The following NLGN1 variants were observed in gnomAD, a reference collection of about 807,000 sequenced individuals.
NLGN1 encodes neuroligin-1.
Under a neutral mutation model 65.5 loss-of-function variants are expected in NLGN1, and 12 were observed. The observed-to-expected ratio is 0.18, with a 90% CI of 0.12 to 0.30. The LOEUF (loss-of-function observed/expected upper bound fraction) is 0.30, where lower values mean the gene tolerates loss of function less well. Among genes scored for constraint, NLGN1 ranks in the 10% least tolerant of loss-of-function variants. NLGN1 has a pLI of 1.00. For missense variants in NLGN1, 750 were observed against 1,007.1 expected (o/e 0.74, Z 3.46); for synonymous variants, 350 against 359.5 (o/e 0.97, Z 0.30).
At chr3:173,575,862 C>G (rs1365219351) in intron 2 of NLGN1, among the ~76,000 whole-genome samples, 4 of 152,020 alleles carry the variant, frequency 2.6e-5, no homozygotes, top group Non-Finnish European at 2.9e-5. Context: ...TTTGTAGAAG[C>G]CTTTGTGATC....
chr3:173,600,200 T>TCACACAC (rs1187383560), intron 2 of NLGN1, among the ~76,000 whole-genome samples: 54,621 of 144,726 alleles, frequency 0.38, 10,248 homozygotes, highest in Non-Finnish European at 0.41. Flanking sequence ...TACATGTGTG[T>TCACACAC]ACACACACAC....
chr3:173,657,317 T>A (rs766462645), intron 3 of NLGN1, among the ~76,000 whole-genome samples: 1 of 152,018 alleles, frequency 6.6e-6, no homozygotes, highest in Non-Finnish European at 1.5e-5. Flanking sequence ...CCTGGGGCAT[T>A]TGGGGTTCTA....
intron 4 of NLGN1, among the ~76,000 whole-genome samples, chr3:173,811,949 T>C (rs1203633677): frequency 6.6e-6 from 1 of 152,160 alleles, no homozygotes; most frequent in Non-Finnish European, 1.5e-5. Context: ...AGGATCTTAC[T>C]TGGGCAAACG....
chr3:173,454,739 T>C (rs1478315938), intron 2 of NLGN1, among the ~76,000 whole-genome samples: 1 of 152,238 alleles, frequency 6.6e-6, no homozygotes, highest in African/African-American at 2.4e-5. Flanking sequence ...TTTGAAAGAA[T>C]GTTGTAGCTG....
chr3:173,584,187 A>G (rs1746872346), intron 2 of NLGN1, among the ~76,000 whole-genome samples: 1 of 150,870 alleles, frequency 6.6e-6, no homozygotes, highest in African/African-American at 2.4e-5. Flanking sequence ...ATTCATGTTA[A>G]TTGCAGTTCA....
chr3:173,702,563 A>C (rs1767388295), intron 3 of NLGN1, among the ~76,000 whole-genome samples: 1 of 152,234 alleles, frequency 6.6e-6, no homozygotes, highest in African/African-American at 2.4e-5. Context: ...ATGATGATCA[A>C]AAAGAATTTT....
At chr3:173,763,254 A>G (rs1778262764) in intron 3 of NLGN1, among the ~76,000 whole-genome samples, 1 of 152,106 alleles carries the variant, frequency 6.6e-6, no homozygotes, top group Non-Finnish European at 1.5e-5. Flanking sequence ...CATGATGTAA[A>G]GGAAGTACCT....
chr3:173,686,055 A>G (rs1200644154), intron 3 of NLGN1, among the ~76,000 whole-genome samples: 2 of 152,148 alleles, frequency 1.3e-5, no homozygotes, highest in East Asian at 1.9e-4. Context: ...CTATTTTTAA[A>G]TTTTAAAACA....
At chr3:173,822,900 A>G (rs559245686) in intron 4 of NLGN1, among the ~76,000 whole-genome samples, 78 of 151,918 alleles carry the variant, frequency 5.1e-4, no homozygotes, top group Non-Finnish European at 6.8e-4. Flanking sequence ...CTTTTTTTGT[A>G]CAATGCTTCT....
intron 4 of NLGN1, among the ~76,000 whole-genome samples, chr3:173,869,022 T>A (rs532682311): frequency 6.6e-6 from 1 of 152,296 alleles, no homozygotes; most frequent in East Asian, 1.9e-4. Flanking sequence ...GTCTCTTCTC[T>A]ACTTCAGTGC....
At chr3:173,414,250 T>C (rs923533245) in intron 1 of NLGN1, among the ~76,000 whole-genome samples, 4 of 152,080 alleles carry the variant, frequency 2.6e-5, no homozygotes. Flanking sequence ...GAATACTGAT[T>C]TGAGTGTGAT....
At chr3:173,435,126 A>G (rs533375378) in intron 2 of NLGN1, 1 of 152,748 alleles carries the variant, frequency 6.5e-6, no homozygotes, top group South Asian at 2.1e-4. Flanking sequence ...AGTGTTAGAA[A>G]AGTAGTAACA....
chr3:174,117,524 G>A (rs569529438), intron 4 of NLGN1, among the ~76,000 whole-genome samples: 4 of 152,062 alleles, frequency 2.6e-5, no homozygotes, highest in African/African-American at 7.2e-5. Context: ...GGGAGGCTGA[G>A]GCAGGAGAAA....
intron 4 of NLGN1, among the ~76,000 whole-genome samples, chr3:174,018,072 AT>A (rs1166673309): frequency 6.6e-6 from 1 of 152,124 alleles, no homozygotes; most frequent in Admixed American, 6.6e-5. Context: ...CTGGGAACGC[AT>A]TCTCTTTCTC....
chr3:174,267,460 T>TAA (rs149039605), intron 4 of NLGN1, among the ~76,000 whole-genome samples: 343 of 152,330 alleles, frequency 2.3e-3, no homozygotes, highest in African/African-American at 7.9e-3. Context: ...CTGGTTATCC[T>TAA]AAGACTGGCT....
intron 4 of NLGN1, among the ~76,000 whole-genome samples, chr3:173,987,619 TATC>T (rs1249109494): frequency 1.3e-5 from 2 of 152,188 alleles, no homozygotes; most frequent in South Asian, 2.1e-4. Flanking sequence ...AGAATAATAA[TATC>T]ATCATCCACA....
chr3:173,713,857 A>G (rs1225049000), intron 3 of NLGN1, among the ~76,000 whole-genome samples: 1 of 152,028 alleles, frequency 6.6e-6, no homozygotes, highest in African/African-American at 2.4e-5. Context: ...TATGTACCCT[A>G]TATTGTAGGG....
intron 3 of NLGN1, among the ~76,000 whole-genome samples, chr3:173,718,577 C>A (rs1355192946): frequency 1.3e-5 from 2 of 152,084 alleles, no homozygotes; most frequent in East Asian, 3.9e-4. Context: ...GGTAGGCACA[C>A]TATAAATTTT....
At chr3:173,824,250 A>C (rs762065428) in intron 4 of NLGN1, among the ~76,000 whole-genome samples, 3 of 152,134 alleles carry the variant, frequency 2.0e-5, no homozygotes, top group Non-Finnish European at 4.4e-5. Context: ...CTAAAAGCTC[A>C]TTCTTACAGC....
Sources: gnomAD v4.1 joint callset for allele counts (sites outside exome capture counted in the v4.1 genomes callset) on GRCh38, gnomAD v4.1.1 for gene constraint, MANE v1.5 for transcripts, NCBI Gene and HGNC (gene_info 2026-07-23, HGNC 2026-07-21) for gene names.